POFUT3: variants seen among roughly 807,000 people sequenced by gnomAD.
The protein encoded by POFUT3 is protein O-fucosyltransferase 3.
At chr8:33,430,245 T>C in the POFUT3 span, among the ~76,000 whole-genome samples, 1 of 152,162 alleles carries the variant, frequency 6.6e-6, no homozygotes, top group Non-Finnish European at 1.5e-5. Flanking sequence ...AAAGCCAAAG[T>C]AACTTGGTTG....
chr8:33,416,368 C>A, the POFUT3 span, among the ~76,000 whole-genome samples: 1 of 152,026 alleles, frequency 6.6e-6, no homozygotes, highest in Non-Finnish European at 1.5e-5. Context: ...TTTGGGAGGC[C>A]GAGGCAGGCA....
the POFUT3 span, among the ~76,000 whole-genome samples, chr8:33,310,645 C>T: frequency 2.7e-5 from 4 of 149,316 alleles, no homozygotes; most frequent in South Asian, 8.4e-4. Context: ...GAGCTGAGAT[C>T]GTGCCACTGC....
the POFUT3 span, among the ~76,000 whole-genome samples, chr8:33,308,999 C>T: frequency 6.2e-5 from 9 of 144,802 alleles, no homozygotes; most frequent in African/African-American, 1.5e-4. Context: ...GTGGGTGTAG[C>T]GTCTGACTCT....
chr8:33,348,503 G>A, the POFUT3 span, among the ~76,000 whole-genome samples: 3 of 152,174 alleles, frequency 2.0e-5, no homozygotes, highest in African/African-American at 7.2e-5. Context: ...AGTTAACCGG[G>A]TAACTGTTGA....
chr8:33,465,661 C>T, the POFUT3 span, among the ~76,000 whole-genome samples: 21 of 152,062 alleles, frequency 1.4e-4, no homozygotes, highest in Non-Finnish European at 2.8e-4. Context: ...CAGGGTTTCA[C>T]CATGTTGGCC....
At chr8:33,377,784 A>C in the POFUT3 span, among the ~76,000 whole-genome samples, 1 of 152,196 alleles carries the variant, frequency 6.6e-6, no homozygotes, top group African/African-American at 2.4e-5. Context: ...TATGATTTTA[A>C]AAGATTTTGT....
At chr8:33,346,604 C>T in the POFUT3 span, among the ~76,000 whole-genome samples, 16 of 152,216 alleles carry the variant, frequency 1.1e-4, 1 homozygote, top group East Asian at 2.1e-3. Flanking sequence ...GGATGTTACT[C>T]GATATTCCAC....
the POFUT3 span, among the ~76,000 whole-genome samples, chr8:33,402,885 C>T: frequency 6.6e-6 from 1 of 151,886 alleles, no homozygotes; most frequent in Non-Finnish European, 1.5e-5. Flanking sequence ...ATAGGGAGAC[C>T]TGTCTCTATA....
chr8:33,342,185 AAAAAAATT>A, the POFUT3 span, among the ~76,000 whole-genome samples: 6 of 152,064 alleles, frequency 3.9e-5, no homozygotes, highest in African/African-American at 1.4e-4. Flanking sequence ...TTTGTCTCAA[AAAAAAATT>A]AAAAAATTAA....
chr8:33,355,277 T>C, the POFUT3 span, among the ~76,000 whole-genome samples: 1 of 152,218 alleles, frequency 6.6e-6, no homozygotes, highest in African/African-American at 2.4e-5. Flanking sequence ...TTATAAGTGC[T>C]GACAGAGGCT....
chr8:33,333,932 G>C, the POFUT3 span, among the ~76,000 whole-genome samples: 1 of 152,126 alleles, frequency 6.6e-6, no homozygotes, highest in Non-Finnish European at 1.5e-5. Flanking sequence ...ACTGGGGCCA[G>C]GTTATATAGG....
At chr8:33,309,191 TATATATATACAC>T in the POFUT3 span, among the ~76,000 whole-genome samples, 2 of 118,396 alleles carry the variant, frequency 1.7e-5, no homozygotes, top group African/African-American at 3.4e-5. Flanking sequence ...TATATATATA[TATATATATACAC>T]ACACATATTT....
chr8:33,464,282 A>G, the POFUT3 span, among the ~76,000 whole-genome samples: 1 of 152,214 alleles, frequency 6.6e-6, no homozygotes, highest in Non-Finnish European at 1.5e-5. Context: ...TCACTTTGCC[A>G]AAGAAAAGGA....
the POFUT3 span, among the ~76,000 whole-genome samples, chr8:33,420,554 A>T: frequency 6.6e-6 from 1 of 152,212 alleles, no homozygotes; most frequent in East Asian, 1.9e-4. Flanking sequence ...CAATTATAAC[A>T]TCTCATTGTA....
At chr8:33,473,011 TACCCCCACCAAGAG>T in the POFUT3 span, 1 of 152,288 alleles carries the variant, frequency 6.6e-6, no homozygotes, top group African/African-American at 2.4e-5. Context: ...ATCAAGCCCC[TACCCCCACCAAGAG>T]ACCACAGAGG....
At chr8:33,435,728 C>G in the POFUT3 span, among the ~76,000 whole-genome samples, 1,896 of 152,006 alleles carry the variant, frequency 0.012, 45 homozygotes, top group African/African-American at 0.043. Context: ...GTTGGCCAGG[C>G]TGGTCTCGTA....
chr8:33,451,667 T>C, the POFUT3 span: 24 of 152,034 alleles, frequency 1.6e-4, no homozygotes, highest in Non-Finnish European at 3.2e-4. Context: ...TATACATATA[T>C]GTATATTGTA....
the POFUT3 span, among the ~76,000 whole-genome samples, chr8:33,380,039 C>CACTA: frequency 1.8e-5 from 1 of 56,208 alleles, no homozygotes; most frequent in Non-Finnish European, 2.8e-5. Context: ...TATATATATA[C>CACTA]GATATATATA....
chr8:33,416,916 C>T, the POFUT3 span, among the ~76,000 whole-genome samples: 1 of 152,000 alleles, frequency 6.6e-6, no homozygotes, highest in African/African-American at 2.4e-5. Flanking sequence ...TCTAATCTTC[C>T]TTTATTACTC....
Sources: allele counts gnomAD v4.1 joint callset (sites outside exome capture counted in the v4.1 genomes callset), GRCh38; gene constraint gnomAD v4.1.1; transcripts MANE v1.5; gene names NCBI Gene and HGNC (gene_info 2026-07-23, HGNC 2026-07-21).